PDE1A: variants seen among roughly 807,000 people sequenced by gnomAD.
The protein encoded by PDE1A is dual specificity calcium/calmodulin-dependent 3',5'-cyclic nucleotide phosphodiesterase 1A.
PDE1A carries 35 observed loss-of-function variants against 61.7 expected under a neutral mutation model. That is an observed-to-expected ratio of 0.57 (90% confidence interval 0.43 to 0.75). The LOEUF is 0.75. Ranked by LOEUF, PDE1A falls within the 30% of genes least tolerant of loss-of-function variation. The probability of loss-of-function intolerance (pLI) is 0.00; values close to 1 mark genes in which losing one functional copy is unlikely to be tolerated. For missense variants in PDE1A, 597 were observed against 630.6 expected, an observed-to-expected ratio of 0.95 and a Z score of 0.57; for synonymous variants, 232 against 213.2, an observed-to-expected ratio of 1.09 and a Z score of -0.77.
chr2:182,480,762 T>C (rs1687652123), intron 2 of PDE1A, among the ~76,000 whole-genome samples: 1 of 151,932 alleles, frequency 6.6e-6, no homozygotes, highest in East Asian at 1.9e-4. Context: ...GAGGGATGAC[T>C]GTACTGCCAC....
chr2:182,468,848 C>T (rs1395287530), intron 2 of PDE1A, among the ~76,000 whole-genome samples: 1 of 152,000 alleles, frequency 6.6e-6, no homozygotes, highest in East Asian at 1.9e-4. Context: ...TCTCCTTTTA[C>T]ATCACTAGCA....
At chr2:182,438,350 G>T (rs964502796) in intron 2 of PDE1A, among the ~76,000 whole-genome samples, 1 of 151,994 alleles carries the variant, frequency 6.6e-6, no homozygotes, top group African/African-American at 2.4e-5. Flanking sequence ...TTACTAAGAA[G>T]TCCTATGTTG....
At chr2:182,201,995 C>T (rs920374203) in intron 8 of PDE1A, among the ~76,000 whole-genome samples, 4 of 152,132 alleles carry the variant, frequency 2.6e-5, no homozygotes, top group East Asian at 1.9e-4. Flanking sequence ...TTGCCAGCAG[C>T]GAGAATGGCA....
At chr2:182,707,588 T>C in the PDE1A span, among the ~76,000 whole-genome samples, 1 of 151,942 alleles carries the variant, frequency 6.6e-6, no homozygotes, top group Admixed American at 6.6e-5. Flanking sequence ...CAAAAAGAAA[T>C]AGAAAATCTG....
At chr2:182,526,850 G>C (rs1334248508), upstream of PDE1A, among the ~76,000 whole-genome samples, 1 of 152,106 alleles carries the variant, frequency 6.6e-6, no homozygotes, top group Non-Finnish European at 1.5e-5. Flanking sequence ...GTCATCACTA[G>C]TAAGAGTCAC....
chr2:182,170,282 G>T (rs2125322536), intron 13 of PDE1A, among the ~76,000 whole-genome samples: 1 of 152,092 alleles, frequency 6.6e-6, no homozygotes, highest in African/African-American at 2.4e-5. Flanking sequence ...TGTAGAGTTA[G>T]CTGTAATTTT....
chr2:182,690,548 G>C, the PDE1A span, among the ~76,000 whole-genome samples: 4 of 152,184 alleles, frequency 2.6e-5, no homozygotes, highest in African/African-American at 7.2e-5. Flanking sequence ...TAAGAGCTAT[G>C]TATGACAAAC....
intron 2 of PDE1A, among the ~76,000 whole-genome samples, chr2:182,245,178 C>A (rs1864852): frequency 4.5e-4 from 69 of 152,134 alleles, no homozygotes; most frequent in African/African-American, 1.6e-3. Context: ...ATCTCAGGCA[C>A]CTTCTTCATT....
chr2:182,713,640 C>CTAAA, the PDE1A span, among the ~76,000 whole-genome samples: 2 of 152,026 alleles, frequency 1.3e-5, no homozygotes, highest in African/African-American at 2.4e-5. Context: ...TCAAAAAATA[C>CTAAA]TAAATAAATA....
intron 2 of PDE1A, among the ~76,000 whole-genome samples, chr2:182,488,777 A>C (rs1688188084): frequency 1.3e-5 from 2 of 152,218 alleles, no homozygotes; most frequent in Admixed American, 6.5e-5. Flanking sequence ...ACTTGCCCTT[A>C]CAGAAATTAT....
the PDE1A span, among the ~76,000 whole-genome samples, chr2:182,598,059 T>G: frequency 2.0e-5 from 3 of 152,220 alleles, no homozygotes; most frequent in Admixed American, 1.3e-4. Context: ...ATTACTGCAA[T>G]CTGTTTCTCA....
At chr2:182,231,105 T>A in exon 5 of PDE1A, 1 of 1,600,386 alleles carries the variant, frequency 6.2e-7, no homozygotes, top group Non-Finnish European at 8.6e-7. Context: ...TTAGGGCAAA[T>A]ACATCGAAAG....
rs1174542757 is a variant in PDE1A, at chr2:182,234,501, A to G, written c.351-3T>C. The G allele has an allele frequency of 3.8e-6, 6 of 1,558,798 alleles. No homozygotes were observed. The African/African-American group carries it at 4.1e-5, about 11-fold the overall frequency. On this transcript the variant is annotated splice_polypyrimidine_tract_variant and splice_region_variant and intron_variant, in intron 3 of 13. Transcript: ENST00000351439. ...TATGATATGTTTTTCGGTACATTCT[A>G]AAAAAGACAAAAATAAGTGTAAATA...
At chr2:182,576,760 C>T in the PDE1A span, among the ~76,000 whole-genome samples, 2 of 152,094 alleles carry the variant, frequency 1.3e-5, no homozygotes, top group South Asian at 4.1e-4. Flanking sequence ...TAGTAGCCAT[C>T]CCAATTAAAG....
intron 1 of PDE1A, among the ~76,000 whole-genome samples, chr2:182,408,254 G>C (rs1702416282): frequency 6.7e-6 from 1 of 149,086 alleles, no homozygotes; most frequent in Non-Finnish European, 1.5e-5. Flanking sequence ...ATTACTCCAA[G>C]CTATTTGGAA....
intron 10 of PDE1A, among the ~76,000 whole-genome samples, chr2:182,192,017 A>T (rs1323960497): frequency 6.6e-6 from 1 of 151,718 alleles, no homozygotes; most frequent in East Asian, 1.9e-4. Context: ...CACCATGCTG[A>T]GCTAATTTTT....
chr2:182,284,988 C>T (rs745663898), intron 1 of PDE1A, among the ~76,000 whole-genome samples: 1 of 152,106 alleles, frequency 6.6e-6, no homozygotes, highest in African/African-American at 2.4e-5. Flanking sequence ...GCACTTTTAA[C>T]CAATGCACGA....
intron 2 of PDE1A, among the ~76,000 whole-genome samples, chr2:182,511,390 CAG>C (rs1689776920): frequency 6.6e-6 from 1 of 152,124 alleles, no homozygotes; most frequent in South Asian, 2.1e-4. Context: ...ATTCCTGGAC[CAG>C]AGGAGCTCCT....
At chr2:182,716,207 C>G in the PDE1A span, 1 of 152,404 alleles carries the variant, frequency 6.6e-6, no homozygotes, top group African/African-American at 2.4e-5. Context: ...CGGGTCTCCC[C>G]AGGCAGCGTC....
Sources: gnomAD v4.1 joint callset for allele counts (sites outside exome capture counted in the v4.1 genomes callset) on GRCh38, gnomAD v4.1.1 for gene constraint, MANE v1.5 for transcripts, NCBI Gene and HGNC (gene_info 2026-07-23, HGNC 2026-07-21) for gene names.